The following PPP1R12A variants were observed in gnomAD, a reference collection of about 807,000 sequenced individuals.
PPP1R12A encodes the protein myosin binding subunit.
Under a neutral mutation model 139.6 loss-of-function variants are expected in PPP1R12A, and 19 were observed. The observed-to-expected ratio is 0.14, with a 90% confidence interval of 0.09 to 0.20. The LOEUF is 0.20. PPP1R12A is among the 10% of genes least tolerant of loss of function. The pLI, the probability that PPP1R12A is intolerant of heterozygous loss-of-function variation, is 1.00. For synonymous variants in PPP1R12A, 427 were observed against 420.6 expected, an observed-to-expected ratio of 1.02 and a Z score of -0.19; for missense variants, 925 against 1,211.5, an observed-to-expected ratio of 0.76 and a Z score of 3.51.
intron 19 of PPP1R12A, among the ~76,000 whole-genome samples, chr12:79,792,336 G>C (rs1871980471): frequency 6.6e-6 from 1 of 152,124 alleles, no homozygotes; most frequent in Admixed American, 6.5e-5. Context: ...TCTATCCTAA[G>C]CCAACTATAA....
intron 1 of PPP1R12A, among the ~76,000 whole-genome samples, chr12:79,906,782 T>G (rs1418782818): frequency 6.6e-6 from 1 of 152,158 alleles, no homozygotes. Flanking sequence ...TAGCTGGGAC[T>G]ACAGGCGCCC....
At chr12:79,928,993 T>C (rs1322897648) in intron 1 of PPP1R12A, among the ~76,000 whole-genome samples, 2 of 152,254 alleles carry the variant, frequency 1.3e-5, no homozygotes, top group South Asian at 4.1e-4. Context: ...TTCTACTTTG[T>C]ATTCCTCTAG....
intron 3 of PPP1R12A, among the ~76,000 whole-genome samples, chr12:79,840,301 A>C (rs953603376): frequency 1.1e-4 from 17 of 152,222 alleles, no homozygotes; most frequent in Non-Finnish European, 2.9e-5. Context: ...ATAAGCATTT[A>C]ATAACAGTTA....
chr12:79,900,405 T>C (rs1286620160), intron 1 of PPP1R12A, among the ~76,000 whole-genome samples: 2 of 152,156 alleles, frequency 1.3e-5, no homozygotes, highest in Non-Finnish European at 2.9e-5. Flanking sequence ...CTTTGTGAAT[T>C]CATTGATGGA....
At chr12:79,918,296 C>T (rs1391941395) in intron 1 of PPP1R12A, among the ~76,000 whole-genome samples, 8 of 152,106 alleles carry the variant, frequency 5.3e-5, no homozygotes, top group Non-Finnish European at 7.4e-5. Context: ...GAAAAAACCA[C>T]ACTCCAAGCA....
chr12:79,867,333 G>A (rs181010069), intron 2 of PPP1R12A, among the ~76,000 whole-genome samples: 19 of 152,246 alleles, frequency 1.2e-4, no homozygotes, highest in Non-Finnish European at 2.5e-4. Context: ...TGGGGGGTCA[G>A]GGGAAGGATA....
intron 11 of PPP1R12A, among the ~76,000 whole-genome samples, chr12:79,807,804 C>T (rs1378983872): frequency 6.6e-6 from 1 of 151,770 alleles, no homozygotes; most frequent in Admixed American, 6.6e-5. Flanking sequence ...TTTGAGAGGC[C>T]GAGACAGGTG....
At chr12:79,821,714 C>T (rs756501299) in intron 6 of PPP1R12A, among the ~76,000 whole-genome samples, 67 of 150,144 alleles carry the variant, frequency 4.5e-4, no homozygotes, top group Non-Finnish European at 8.0e-4. Flanking sequence ...GATCGCGCCA[C>T]TGTACTCTAG....
intron 2 of PPP1R12A, among the ~76,000 whole-genome samples, chr12:79,861,714 C>T (rs1158878408): frequency 6.6e-6 from 1 of 152,148 alleles, no homozygotes; most frequent in Non-Finnish European, 1.5e-5. Flanking sequence ...GCACAGCAGT[C>T]TGAGATCAAC....
At chr12:79,872,453 C>T (rs978806116) in intron 2 of PPP1R12A, among the ~76,000 whole-genome samples, 49 of 152,166 alleles carry the variant, frequency 3.2e-4, no homozygotes, top group African/African-American at 1.2e-3. Flanking sequence ...AGCAATGTAA[C>T]CCAGTTGCCA....
intron 1 of PPP1R12A, among the ~76,000 whole-genome samples, chr12:79,877,170 G>C (rs1481016233): frequency 6.6e-6 from 1 of 152,036 alleles, no homozygotes; most frequent in Non-Finnish European, 1.5e-5. Context: ...GTGTGAGGGG[G>C]TATTTATCAT....
intron 1 of PPP1R12A, among the ~76,000 whole-genome samples, chr12:79,907,733 T>C (rs943318436): frequency 6.6e-6 from 1 of 152,150 alleles, no homozygotes; most frequent in African/African-American, 2.4e-5. Context: ...ACTCCACCTC[T>C]ACAAAAAATG....
intron 1 of PPP1R12A, among the ~76,000 whole-genome samples, chr12:79,934,422 GC>G (rs1448726028): frequency 1.3e-5 from 2 of 152,158 alleles, no homozygotes; most frequent in Non-Finnish European, 2.9e-5. Context: ...TGGCCCTGGG[GC>G]CCCAAACGAC....
chr12:79,859,191 G>A (rs1447071516), intron 2 of PPP1R12A, among the ~76,000 whole-genome samples: 1 of 151,934 alleles, frequency 6.6e-6, no homozygotes, highest in Non-Finnish European at 1.5e-5. Context: ...AAAAAAATCA[G>A]CTGGGCATGG....
At chr12:79,921,687 T>G (rs952710319) in intron 1 of PPP1R12A, among the ~76,000 whole-genome samples, 3 of 152,236 alleles carry the variant, frequency 2.0e-5, no homozygotes, top group Admixed American at 2.0e-4. Context: ...ATTAGTACTG[T>G]GCTGGACATA....
chr12:79,922,307 G>A (rs1027569778), intron 1 of PPP1R12A, among the ~76,000 whole-genome samples: 1 of 152,040 alleles, frequency 6.6e-6, no homozygotes, highest in Non-Finnish European at 1.5e-5. Flanking sequence ...ATCTGCCTGT[G>A]GGTGACATAT....
At chr12:79,889,603 C>G (rs546616866) in intron 1 of PPP1R12A, among the ~76,000 whole-genome samples, 2 of 152,222 alleles carry the variant, frequency 1.3e-5, no homozygotes, top group Non-Finnish European at 2.9e-5. Context: ...CTTTTCTTGC[C>G]AATCCTTGAA....
intron 2 of PPP1R12A, among the ~76,000 whole-genome samples, chr12:79,864,797 C>A (rs767036951): frequency 6.6e-6 from 1 of 152,118 alleles, no homozygotes; most frequent in Non-Finnish European, 1.5e-5. Context: ...CTGAACAGGA[C>A]AATAACAGGT....
At chr12:79,856,011 T>C (rs189001878) in intron 2 of PPP1R12A, among the ~76,000 whole-genome samples, 1 of 152,328 alleles carries the variant, frequency 6.6e-6, no homozygotes, top group Non-Finnish European at 1.5e-5. Context: ...CCTTAGTACT[T>C]AGATCCAGTA....
Sources: gnomAD v4.1 joint callset for allele counts (sites outside exome capture counted in the v4.1 genomes callset) on GRCh38, gnomAD v4.1.1 for gene constraint, MANE v1.5 for transcripts, NCBI Gene and HGNC (gene_info 2026-07-23, HGNC 2026-07-21) for gene names.